NCKAP5: variants seen among roughly 807,000 people sequenced by gnomAD.
The protein encoded by NCKAP5 is NCK associated protein 5.
In NCKAP5, 92 loss-of-function variants were observed where a neutral mutation model predicts 167.0. The observed-to-expected ratio is 0.55, with a 90% CI of 0.47 to 0.66. NCKAP5 has a LOEUF of 0.66. Ranked by LOEUF, NCKAP5 falls within the 30% of genes least tolerant of loss-of-function variation. NCKAP5 has a pLI of 0.00. For synonymous variants in NCKAP5, 891 were observed against 877.4 expected (o/e 1.02, Z -0.27); for missense variants, 2,378 against 2,315.0 (o/e 1.03, Z -0.56).
chr2:132,957,160 GC>G (rs1023887399), intron 8 of NCKAP5, among the ~76,000 whole-genome samples: 44 of 152,010 alleles, frequency 2.9e-4, no homozygotes, highest in Non-Finnish European at 5.6e-4. Context: ...TCAACTTAAC[GC>G]GGGCAAAAAC....
intron 3 of NCKAP5, among the ~76,000 whole-genome samples, chr2:133,437,600 T>C (rs1574954512): frequency 6.6e-6 from 1 of 152,202 alleles, no homozygotes; most frequent in East Asian, 1.9e-4. Context: ...AAGTTCCACA[T>C]AGTCATCAGG....
chr2:133,443,809 C>T (rs1167275485), intron 3 of NCKAP5, among the ~76,000 whole-genome samples: 2 of 152,146 alleles, frequency 1.3e-5, no homozygotes, highest in Non-Finnish European at 2.9e-5. Flanking sequence ...AGTCTGTTTG[C>T]GTTCTCCTGG....
At chr2:133,121,002 G>A (rs2082232950) in intron 6 of NCKAP5, among the ~76,000 whole-genome samples, 1 of 152,090 alleles carries the variant, frequency 6.6e-6, no homozygotes, top group Non-Finnish European at 1.5e-5. Flanking sequence ...ATTGGTGATT[G>A]TATAAGAGAG....
At chr2:133,411,335 A>G (rs955169278) in intron 3 of NCKAP5, among the ~76,000 whole-genome samples, 1 of 152,172 alleles carries the variant, frequency 6.6e-6, no homozygotes, top group Non-Finnish European at 1.5e-5. Flanking sequence ...AAACTTTATA[A>G]TATTTTTGGC....
chr2:133,576,768 C>T, the NCKAP5 span, among the ~76,000 whole-genome samples: 1 of 152,198 alleles, frequency 6.6e-6, no homozygotes, highest in African/African-American at 2.4e-5. Context: ...ACATGATACA[C>T]TAATCTCTTG....
chr2:132,812,517 A>G (rs1574302293), intron 11 of NCKAP5, among the ~76,000 whole-genome samples: 1 of 152,162 alleles, frequency 6.6e-6, no homozygotes, highest in African/African-American at 2.4e-5. Flanking sequence ...TTGGGGTACA[A>G]TGATGAACAA....
rs751025050 is a variant in NCKAP5, at chr2:133,518,344, A to ATTTTTTTTTTTT, written c.-61-769_-61-758dup. ...TAAAAGAAATGGGTTACAGTAAAGG[A>ATTTTTTTTTTTT]TTTTTTTTTTTTTTTTTTTTTTTTT... is the stretch of plus-strand genomic sequence containing the variant. On this transcript the variant is annotated intron_variant, in intron 2 of 19. Transcript: ENST00000409261. Among the ~76,000 whole-genome samples the ATTTTTTTTTTTT allele has an allele frequency of 1.2e-4, 9 of 74,634 alleles. 1 individual carries two copies. Among genetic ancestry groups the ATTTTTTTTTTTT allele is most frequent in the South Asian group, 6.7e-4 (1 of 1,484 alleles). 49.0% of individuals were successfully genotyped at this position (74,634 alleles called of 152,430 possible). A position where few individuals can be genotyped will look rare whatever the true frequency, so the allele number is the denominator to read the frequency against.
intron 3 of NCKAP5, among the ~76,000 whole-genome samples, chr2:133,380,466 C>T (rs10165601): frequency 0.17 from 26,220 of 152,024 alleles, 2,330 homozygotes; most frequent in Non-Finnish European, 0.2. Context: ...CCTCAATCAA[C>T]CAGTATTTTT....
At position 133,341,103 on chromosome 2, in the gene NCKAP5, C is replaced by T. The variant is rs145706254; in HGVS notation, c.70-37993G>A. ...TTACCTGTGAATGAAATCACTAAGA[C>T]CATTAGATCAAATGGATTCCTTGTT... On this transcript the variant is annotated intron_variant, in intron 3 of 19. Transcript: ENST00000409261. Among the ~76,000 whole-genome samples, 300 of 152,192 alleles carry T rather than the reference C, an allele frequency of 2.0e-3. 1 individual carries two copies. Among genetic ancestry groups the T allele is most frequent in the African/African-American group, 6.8e-3 (282 of 41,506 alleles).
intron 3 of NCKAP5, among the ~76,000 whole-genome samples, chr2:133,360,412 T>C (rs1685021014): frequency 6.6e-6 from 1 of 150,498 alleles, no homozygotes; most frequent in Admixed American, 6.6e-5. Context: ...TTTTCACTCA[T>C]GATAATTTGT....
At chr2:132,759,921 T>C (rs1680860413) in intron 16 of NCKAP5, among the ~76,000 whole-genome samples, 1 of 152,056 alleles carries the variant, frequency 6.6e-6, no homozygotes, top group Admixed American at 6.6e-5. Context: ...TTCTCCTCCT[T>C]ACTATTTAAC....
the NCKAP5 span, among the ~76,000 whole-genome samples, chr2:133,585,947 A>C: frequency 6.6e-6 from 1 of 152,302 alleles, no homozygotes; most frequent in East Asian, 1.9e-4. Flanking sequence ...TTTTGGCAAA[A>C]ATAATATCTT....
chr2:133,236,119 A>G lies in NCKAP5; in HGVS notation c.144-22340T>C, dbSNP rs978742044. On this transcript the variant is annotated intron_variant, in intron 4 of 19. Transcript: ENST00000409261. ...AAAAAAGCTGTGATATGTCTTATGG[A>G]TAAAATGTATGTGTTAGACAAGCTT... 2.1e-5 allele frequency among the ~76,000 whole-genome samples: 3 copies of G among 146,234 alleles called. No homozygotes were observed. The South Asian group carries it at 6.7e-4, about 33-fold the overall frequency.
intron 5 of NCKAP5, among the ~76,000 whole-genome samples, chr2:133,210,648 T>C (rs151180171): frequency 1.3e-5 from 2 of 152,104 alleles, no homozygotes; most frequent in African/African-American, 2.4e-5. Context: ...GAATCAGGAC[T>C]TCAGAAATAA....
At chr2:132,988,143 G>C (rs1459657697) in intron 7 of NCKAP5, among the ~76,000 whole-genome samples, 1 of 152,124 alleles carries the variant, frequency 6.6e-6, no homozygotes, top group Non-Finnish European at 1.5e-5. Context: ...GGAAACCCTT[G>C]AAGTTATTGT....
intron 8 of NCKAP5, among the ~76,000 whole-genome samples, chr2:132,880,242 T>G (rs1275108917): frequency 6.6e-6 from 1 of 151,710 alleles, no homozygotes; most frequent in African/African-American, 2.4e-5. Context: ...GTAAGTTCTA[T>G]TTTTTGACAG....
At chr2:133,227,996 C>T (rs983093446) in intron 4 of NCKAP5, among the ~76,000 whole-genome samples, 7 of 152,160 alleles carry the variant, frequency 4.6e-5, no homozygotes, top group Non-Finnish European at 7.4e-5. Flanking sequence ...GACACTCCAA[C>T]GATGCCCTAG....
At chr2:133,670,794 T>A in the NCKAP5 span, among the ~76,000 whole-genome samples, 1 of 152,190 alleles carries the variant, frequency 6.6e-6, no homozygotes, top group Non-Finnish European at 1.5e-5. Context: ...ATAGTGGGAT[T>A]TGAAAGTCAG....
chr2:132,860,927 C>A (rs898866309), intron 10 of NCKAP5, among the ~76,000 whole-genome samples: 4 of 152,140 alleles, frequency 2.6e-5, no homozygotes, highest in Admixed American at 2.6e-4. Flanking sequence ...TTTGCCTTTT[C>A]ACTGTCTTTA....
Sources: gnomAD v4.1 joint callset for allele counts (sites outside exome capture counted in the v4.1 genomes callset) on GRCh38, gnomAD v4.1.1 for gene constraint, MANE v1.5 for transcripts, NCBI Gene and HGNC (gene_info 2026-07-23, HGNC 2026-07-21) for gene names.